The following TP73 variants were observed in gnomAD, a reference collection of about 807,000 sequenced individuals.
TP73 encodes tumor protein p73.
In TP73, 25 loss-of-function variants were observed where a neutral mutation model predicts 62.5. The ratio of observed to expected loss-of-function variants is 0.40; its 90% confidence interval spans 0.29 to 0.56. The LOEUF is 0.56. Among genes scored for constraint, TP73 ranks in the 20% least tolerant of loss-of-function variants. The probability of loss-of-function intolerance (pLI) is 0.46; values close to 1 mark genes in which losing one functional copy is unlikely to be tolerated. For synonymous variants in TP73, 423 were observed against 377.5 expected (o/e 1.12, Z -1.40); for missense variants, 754 against 913.3 (o/e 0.83, Z 2.25).
chr1:3,669,901 C>T (rs1052347731), intron 1 of TP73, among the ~76,000 whole-genome samples: 6 of 152,180 alleles, frequency 3.9e-5, no homozygotes, highest in African/African-American at 1.2e-4. Context: ...CATGTGTGCG[C>T]ATATGTGAAT....
At chr1:3,684,874 G>A (rs1243772417) in intron 3 of TP73, among the ~76,000 whole-genome samples, 1 of 152,124 alleles carries the variant, frequency 6.6e-6, no homozygotes. Context: ...GGTGGGCTGG[G>A]GATGGGGCCG....
At chr1:3,677,248 C>T (rs1046555693) in intron 1 of TP73, among the ~76,000 whole-genome samples, 4 of 152,132 alleles carry the variant, frequency 2.6e-5, no homozygotes, top group Admixed American at 6.5e-5. Flanking sequence ...GCTGGTACAG[C>T]GGCCCCTGGA....
At position 3,733,144 on chromosome 1, in the gene TP73, T is replaced by A. The variant is rs950956783; in HGVS notation, c.*65T>A. On this transcript the variant is annotated 3_prime_UTR_variant, in exon 14 of 14. Transcript: ENST00000378295. Reference sequence around the variant, plus strand: ...CCCAAGCTGCCTCCCCTCTCCTTCCTGTGTGTCCAAAACTGCCTCAGGAGG... The same window carrying A: ...CCCAAGCTGCCTCCCCTCTCCTTCCAGTGTGTCCAAAACTGCCTCAGGAGG... The A allele has an allele frequency of 3.5e-5, 51 of 1,459,816 alleles. No homozygotes were observed. Among genetic ancestry groups the A allele is most frequent in the Non-Finnish European group, 4.0e-5 (44 of 1,099,392 alleles). 90.4% of individuals were successfully genotyped at this position (1,459,816 alleles called of 1,614,324 possible).
chr1:3,718,443 C>T (rs1012196562), intron 4 of TP73, among the ~76,000 whole-genome samples: 2 of 152,210 alleles, frequency 1.3e-5, no homozygotes, highest in African/African-American at 4.8e-5. Flanking sequence ...CAGGGCGCTG[C>T]TGAGAGGCCG....
intron 1 of TP73, among the ~76,000 whole-genome samples, chr1:3,664,817 G>A (rs570113150): frequency 5.9e-5 from 9 of 152,166 alleles, no homozygotes; most frequent in Non-Finnish European, 1.2e-4. Flanking sequence ...TACCAGATGC[G>A]GTCAGGCTAC....
At chr1:3,690,879 G>C (rs1454995693) in intron 3 of TP73, 1 of 1,566,386 alleles carries the variant, frequency 6.4e-7, no homozygotes, top group Non-Finnish European at 8.7e-7. Context: ...CAGTTCCCTG[G>C]CGTGTGCAGA....
intron 5 of TP73, 83 bp downstream of exon 5, chr1:3,722,290 G>T: frequency 6.6e-7 from 1 of 1,514,586 alleles, no homozygotes; most frequent in Non-Finnish European, 9.0e-7. Context: ...CTAACTGGGA[G>T]AGAGTGGGGC....
At chr1:3,697,607 G>A (rs570873228) in intron 3 of TP73, among the ~76,000 whole-genome samples, 3 of 152,358 alleles carry the variant, frequency 2.0e-5, no homozygotes, top group African/African-American at 7.2e-5. Flanking sequence ...CGTCAGCATG[G>A]AGGGCCGGGG....
In TP73 at chr1:3,731,577, G is replaced by A. The variant is rs375723027; in HGVS notation, c.1578+21G>A. The A allele has an allele frequency of 1.8e-4, 283 of 1,609,094 alleles. 2 individuals are homozygous for A. The highest frequency in any genetic ancestry group is 8.2e-4 in the Admixed American group (49 of 59,986). On this transcript the variant is annotated intron_variant, in intron 13 of 13. Transcript: ENST00000378295. ...TTGAGGTAACGCCCGGGTGGACCCC[G>A]CTCTGCAGAGGCAGTAGCTGGAGGG... is the stretch of plus-strand genomic sequence containing the variant.
chr1:3,664,501 C>T (rs1277794761), intron 1 of TP73, among the ~76,000 whole-genome samples: 1 of 152,208 alleles, frequency 6.6e-6, no homozygotes, highest in African/African-American at 2.4e-5. Flanking sequence ...CTCCTGCTCG[C>T]CCGTACTGCA....
chr1:3,684,862 A>G (rs1201762357), intron 3 of TP73, among the ~76,000 whole-genome samples: 3 of 143,298 alleles, frequency 2.1e-5, no homozygotes, highest in African/African-American at 7.5e-5. Flanking sequence ...ATGCTGGGAA[A>G]GGGTGGGCTG....
intron 3 of TP73, among the ~76,000 whole-genome samples, chr1:3,685,163 G>T (rs1382068705): frequency 6.6e-6 from 1 of 152,180 alleles, no homozygotes; most frequent in Non-Finnish European, 1.5e-5. Flanking sequence ...CCCTAAGATG[G>T]CACAGACCCA....
intron 3 of TP73, among the ~76,000 whole-genome samples, chr1:3,685,820 C>T (rs1645639923): frequency 6.6e-6 from 1 of 152,202 alleles, no homozygotes; most frequent in South Asian, 2.1e-4. Flanking sequence ...GACCTGGACC[C>T]GGTTCAGTGC....
rs972512613 is a variant in TP73, at chr1:3,663,584, C to A, written c.-34+10943C>A. On this transcript the variant is annotated intron_variant, in intron 1 of 13. Coordinates refer to ENST00000378295, the MANE Select transcript of TP73 (RefSeq NM_005427.4). This position sits in a 1 kb window ranked among gnomAD's most constrained non-coding sequence, Gnocchi z 4.7. The stretch of plus-strand genomic sequence containing the variant: ...ACAAAAAATTAGCCAGGCGTGGTGG[C>A]GGGCGCCTGTAGTCCCAGCTACTCG... Among the ~76,000 whole-genome samples, 9 of 151,744 alleles carry A rather than the reference C, an allele frequency of 5.9e-5. No homozygotes were observed. The highest frequency in any genetic ancestry group is 5.9e-4 in the Admixed American group (9 of 15,240).
intron 1 of TP73, among the ~76,000 whole-genome samples, chr1:3,675,474 G>A (rs193166183): frequency 1.8e-4 from 28 of 152,326 alleles, no homozygotes; most frequent in African/African-American, 6.5e-4. Flanking sequence ...GCCCGGGGCG[G>A]GTGGAGTTCC....
chr1:3,668,278 T>G (rs1645164903), intron 1 of TP73, among the ~76,000 whole-genome samples: 1 of 152,212 alleles, frequency 6.6e-6, no homozygotes, highest in African/African-American at 2.4e-5. Context: ...TCTCCCCTCC[T>G]GGAGCCAACA....
rs1344433799 is a variant in TP73, at chr1:3,699,596, A to G, written c.187-7953A>G. On this transcript the variant is annotated intron_variant, in intron 3 of 13. Transcript: ENST00000378295. This position sits in a 1 kb window ranked among gnomAD's most constrained non-coding sequence, Gnocchi z 4.1. ...TTCTGGAAACGTCTGTCACGGGCAC[A>G]CCATGCACCATGCCATGGCTGCCAG... 2.6e-5 allele frequency among the ~76,000 whole-genome samples: 4 copies of G among 152,192 alleles called. No homozygotes were observed. Among genetic ancestry groups the G allele is most frequent in the Non-Finnish European group, 5.9e-5 (4 of 68,028 alleles).
chr1:3,728,147 C>G lies in TP73; in HGVS notation c.1004C>G (p.Pro335Arg). The G allele has an allele frequency of 6.2e-7, 1 of 1,611,400 alleles. No individual in the cohort carries two copies. Among genetic ancestry groups the G allele is most frequent in the African/African-American group, 1.3e-5 (1 of 75,066 alleles). Residue 335 changes from proline (P) to arginine (R), a missense_variant, in exon 9 of 14, where the codon CCT becomes CGT. Pro to Arg is a moderately radical substitution (Grantham distance 103). Around this residue, in one of 3 missense-constraint regions of TP73, gnomAD observed 458 missense variants for 528.7 expected, o/e 0.87. Coordinates refer to ENST00000378295, the MANE Select transcript of TP73 (RefSeq NM_005427.4). The stretch of plus-strand genomic sequence containing the variant: ...CTTCCAGCCTTCAAGCAGAGCCCCC[C>G]TGCCGTCCCCGCCCTTGGTGCCGGT... ...ASKRAFKQSP[P>R]AVPALGAGVK... is the part of the protein sequence containing the mutation.
rs1418284823 is a variant in TP73 at position 3,672,253 on chromosome 1, C to A, written c.-33-10080C>A. Among the ~76,000 whole-genome samples, 1 of 152,126 alleles carries A rather than the reference C, an allele frequency of 6.6e-6. No homozygotes were observed. The highest frequency in any genetic ancestry group is 2.4e-5 in the African/African-American group (1 of 41,424). On this transcript the variant is annotated intron_variant, in intron 1 of 13. Transcript: ENST00000378295. This position sits in a 1 kb window ranked among gnomAD's most constrained non-coding sequence, Gnocchi z 5.3. ...GGACAGCAGCTTGAGAAGGGTCATTCTCTCTTGGTTGGAGGAGTGGAAGTG... is the reference window on the plus strand; with the variant it reads ...GGACAGCAGCTTGAGAAGGGTCATTATCTCTTGGTTGGAGGAGTGGAAGTG...
Sources: allele counts gnomAD v4.1 joint callset (sites outside exome capture counted in the v4.1 genomes callset), GRCh38; gene constraint gnomAD v4.1.1; regional missense constraint gnomAD v4.1.1; non-coding constraint Gnocchi (gnomAD v3.1); transcripts MANE v1.5; gene names NCBI Gene and HGNC (gene_info 2026-07-23, HGNC 2026-07-21).